PCDH9: variants seen among roughly 807,000 people sequenced by gnomAD.
The protein encoded by PCDH9 is protocadherin 9, also known as protocadherin-9.
In PCDH9, 24 loss-of-function variants were observed where a neutral mutation model predicts 70.6. That is an observed-to-expected ratio of 0.34 (90% CI 0.25 to 0.48). The LOEUF (loss-of-function observed/expected upper bound fraction) is 0.48. Ranked by LOEUF, PCDH9 falls within the 20% of genes least tolerant of loss-of-function variation. The pLI, the probability that PCDH9 is intolerant of heterozygous loss-of-function variation, is 0.99. For missense variants in PCDH9, 1,281 were observed against 1,503.6 expected, an observed-to-expected ratio of 0.85 and a Z score of 2.45; for synonymous variants, 562 against 558.5, an observed-to-expected ratio of 1.01 and a Z score of -0.09.
chr13:66,849,907 C>T (rs1383806464), intron 3 of PCDH9, among the ~76,000 whole-genome samples: 1 of 152,118 alleles, frequency 6.6e-6, no homozygotes. Flanking sequence ...TCAGGTCAGG[C>T]TGCATAGATG....
intron 4 of PCDH9, among the ~76,000 whole-genome samples, chr13:66,431,165 C>T (rs118145783): frequency 6.6e-6 from 1 of 151,906 alleles, no homozygotes; most frequent in African/African-American, 2.4e-5. Flanking sequence ...TTCATAGATT[C>T]CAACTACCAC....
At chr13:66,524,046 T>C (rs1156595810) in intron 4 of PCDH9, among the ~76,000 whole-genome samples, 1 of 151,998 alleles carries the variant, frequency 6.6e-6, no homozygotes, top group African/African-American at 2.4e-5. Flanking sequence ...AGCCCTCAGA[T>C]GGAGAAGTGA....
chr13:66,452,589 T>G (rs1958236049), intron 4 of PCDH9, among the ~76,000 whole-genome samples: 1 of 152,202 alleles, frequency 6.6e-6, no homozygotes, highest in Admixed American at 6.5e-5. Flanking sequence ...TCCAGATTGC[T>G]GAAATAAACT....
rs545745634 is a variant in PCDH9 at position 67,227,555 on chromosome 13, C to T, written c.886G>A (p.Ala296Thr). Residue 296 changes from alanine (A) to threonine (T), a missense_variant, in exon 2 of 5, where the codon GCC (alanine) becomes ACC (threonine). Around this residue, in one of 4 missense-constraint regions of PCDH9, gnomAD observed 798 missense variants for 1,003.1 expected, o/e 0.80. Coordinates refer to ENST00000377865, the MANE Select transcript of PCDH9 (RefSeq NM_203487.3). This position sits in a 1 kb window ranked among gnomAD's most constrained non-coding sequence, Gnocchi z 4.6. ...EIRYIFGAQV[A>T]PATKRLFALN... is the part of the protein sequence containing the mutation. The stretch of plus-strand genomic sequence containing the variant: ...GCAAAGAGTCTTTTGGTTGCAGGGG[C>T]GACCTGGGCACCAAAAATGTACCGG... 54 of 1,613,830 alleles carry T rather than the reference C, an allele frequency of 3.3e-5. No individual in the cohort carries two copies. In the East Asian group the frequency reaches 4.7e-4, roughly 14 times the overall value.
intron 2 of PCDH9, among the ~76,000 whole-genome samples, chr13:67,184,753 A>T (rs1667943908): frequency 6.6e-6 from 1 of 152,044 alleles, no homozygotes; most frequent in African/African-American, 2.4e-5. Flanking sequence ...CAAACAAATA[A>T]AACCCTAAGG....
At chr13:66,899,991 C>T (rs1033247203) in intron 3 of PCDH9, among the ~76,000 whole-genome samples, 2 of 151,882 alleles carry the variant, frequency 1.3e-5, no homozygotes, top group Non-Finnish European at 2.9e-5. Flanking sequence ...ATTCTAGGAT[C>T]GAATTCTAAT....
chr13:66,824,717 T>C (rs886530529), intron 3 of PCDH9, among the ~76,000 whole-genome samples: 16 of 140,344 alleles, frequency 1.1e-4, no homozygotes, highest in African/African-American at 2.7e-4. Context: ...CATATATATA[T>C]ACACACACAC....
intron 4 of PCDH9, among the ~76,000 whole-genome samples, chr13:66,447,445 T>C (rs1327613084): frequency 6.6e-6 from 1 of 152,100 alleles, no homozygotes. Flanking sequence ...AATCTGCCCA[T>C]ATTAATGCAT....
chr13:66,341,324 G>C (rs1424179587), intron 4 of PCDH9, among the ~76,000 whole-genome samples: 3 of 152,054 alleles, frequency 2.0e-5, no homozygotes, highest in Non-Finnish European at 2.9e-5. Context: ...AAACTCCTGA[G>C]CTCAAGCAAT....
Position 66,324,915 on chromosome 13 carries a change from C to T in PCDH9, c.3341-19887G>A, listed in dbSNP as rs564090157. On this transcript the variant is annotated intron_variant, in intron 4 of 4. Transcript: ENST00000377865. ...TGCTAAAATCAAGTAAAACTGGACA[C>T]ATATGCAAACTTAGAGCGTCTGTCA... Among the ~76,000 whole-genome samples, 199 of 152,022 alleles carry T rather than the reference C, an allele frequency of 1.3e-3. 1 individual carries two copies. The highest frequency in any genetic ancestry group is 2.3e-3 in the Non-Finnish European group (158 of 68,006).
intron 3 of PCDH9, among the ~76,000 whole-genome samples, chr13:66,760,027 T>A (rs2079599242): frequency 6.6e-6 from 1 of 152,168 alleles, no homozygotes; most frequent in African/African-American, 2.4e-5. Context: ...TTCTTACAGA[T>A]GTGGTGGTGA....
intron 2 of PCDH9, among the ~76,000 whole-genome samples, chr13:67,116,910 T>C (rs1335663160): frequency 6.6e-6 from 1 of 152,162 alleles, no homozygotes; most frequent in Non-Finnish European, 1.5e-5. Context: ...TAATGTTGTC[T>C]CTCAGGGAAT....
intron 3 of PCDH9, among the ~76,000 whole-genome samples, chr13:66,827,692 A>G (rs1232122669): frequency 6.6e-6 from 1 of 152,218 alleles, no homozygotes; most frequent in Non-Finnish European, 1.5e-5. Flanking sequence ...GGATAAACTT[A>G]CACAAAGATT....
At chr13:67,138,074 A>G (rs2087279299) in intron 2 of PCDH9, among the ~76,000 whole-genome samples, 1 of 151,746 alleles carries the variant, frequency 6.6e-6, no homozygotes, top group Admixed American at 6.7e-5. Flanking sequence ...GAAGAAGTCC[A>G]CTTTAGCTAA....
At chr13:66,878,847 G>A (rs1389781484) in intron 3 of PCDH9, among the ~76,000 whole-genome samples, 1 of 152,198 alleles carries the variant, frequency 6.6e-6, no homozygotes, top group Non-Finnish European at 1.5e-5. Flanking sequence ...ATGTGGTATA[G>A]AACAAGCAAG....
intron 3 of PCDH9, among the ~76,000 whole-genome samples, chr13:66,806,241 G>A (rs1233359394): frequency 6.6e-6 from 1 of 151,402 alleles, no homozygotes; most frequent in Admixed American, 6.6e-5. Flanking sequence ...TTTCTTTTTT[G>A]AGACTTGGCA....
intron 4 of PCDH9, among the ~76,000 whole-genome samples, chr13:66,601,352 C>T (rs1035364135): frequency 6.8e-6 from 1 of 146,008 alleles, no homozygotes; most frequent in Non-Finnish European, 1.5e-5. Context: ...AACACACACA[C>T]CCCTCTGGAT....
At chr13:67,007,029 T>C (rs2084367188) in intron 2 of PCDH9, among the ~76,000 whole-genome samples, 1 of 152,182 alleles carries the variant, frequency 6.6e-6, no homozygotes, top group South Asian at 2.1e-4. Context: ...TATTTGCATA[T>C]ACTAATGCTT....
At chr13:66,942,989 A>G (rs913587040) in intron 2 of PCDH9, among the ~76,000 whole-genome samples, 6 of 149,812 alleles carry the variant, frequency 4.0e-5, no homozygotes, top group Middle Eastern at 3.5e-3. Context: ...CTTGTTATTA[A>G]CACGAAACCT....
Sources: allele counts gnomAD v4.1 joint callset (sites outside exome capture counted in the v4.1 genomes callset), GRCh38; gene constraint gnomAD v4.1.1; regional missense constraint gnomAD v4.1.1; non-coding constraint Gnocchi (gnomAD v3.1); transcripts MANE v1.5; gene names NCBI Gene and HGNC (gene_info 2026-07-23, HGNC 2026-07-21).